Variants in VLDLR observed in about 807,000 individuals in gnomAD.
VLDLR encodes very low density lipoprotein receptor.
A neutral mutation model predicts 112.7 loss-of-function variants in VLDLR; 81 were observed. The ratio of observed to expected loss-of-function variants is 0.72; its 90% confidence interval spans 0.60 to 0.86. The LOEUF is 0.86. Ranked by LOEUF, VLDLR falls within the 40% of genes least tolerant of loss-of-function variation. VLDLR has a pLI of 0.00. For synonymous variants in VLDLR, 436 were observed against 384.8 expected, an observed-to-expected ratio of 1.13 and a Z score of -1.56; for missense variants, 1,237 against 1,099.4, an observed-to-expected ratio of 1.13 and a Z score of -1.77.
Position 2,643,334 on chromosome 9 carries a change from T to C in VLDLR, c.623T>C (p.Ile208Thr). Residue 208 changes from isoleucine to threonine, a missense_variant, in exon 5 of 19, where the codon ATC becomes ACC. Transcript: ENST00000382100. ...FQCSTSSCIP[I>T]SWVCDDDADC... The stretch of plus-strand genomic sequence containing the variant: ...TGCAGCACCTCCTCCTGCATCCCCA[T>C]CAGCTGGGTATGCGACGATGATGCA... 1 of 1,614,064 alleles carries C rather than the reference T, an allele frequency of 6.2e-7. No individual in the cohort carries two copies.
Position 2,658,438 on chromosome 9 carries a change from G to C in VLDLR, c.*4570G>C, listed in dbSNP as rs1044466532. 6.6e-6 allele frequency: 1 copy of C among 152,198 alleles called. No homozygotes were observed. The highest frequency in any genetic ancestry group is 2.4e-5 in the African/African-American group (1 of 41,432). 9.4% of individuals were successfully genotyped at this position (152,198 alleles called of 1,614,324 possible). On this transcript the variant is annotated 3_prime_UTR_variant, in exon 19 of 19. Transcript: ENST00000382100. Reference sequence around the variant, plus strand: ...CAGGAGTGAGACCAGCTGCGGGTGGGGAGTTTGTGCTCCGCAGGTTACCTC... The same window carrying C: ...CAGGAGTGAGACCAGCTGCGGGTGGCGAGTTTGTGCTCCGCAGGTTACCTC...
intron 1 of VLDLR, among the ~76,000 whole-genome samples, chr9:2,627,323 T>G (rs1664284746): frequency 6.6e-6 from 1 of 152,238 alleles, no homozygotes; most frequent in African/African-American, 2.4e-5. Context: ...TGTCTGCAGA[T>G]AATCCTACAA....
intron 15 of VLDLR, among the ~76,000 whole-genome samples, chr9:2,651,069 T>C (rs1413649344): frequency 6.6e-6 from 1 of 152,154 alleles, no homozygotes; most frequent in African/African-American, 2.4e-5. Flanking sequence ...ACCAAGAAAT[T>C]AGTTGCAAGA....
chr9:2,622,615 GC>G (rs2130749701), intron 1 of VLDLR, among the ~76,000 whole-genome samples: 1 of 152,334 alleles, frequency 6.6e-6, no homozygotes, highest in African/African-American at 2.4e-5. Context: ...CAATGGTTCT[GC>G]CTCCTCTGCC....
Position 2,644,738 on chromosome 9 carries a change from A to G in VLDLR, c.1071A>G (p.Ile357Met). Residue 357 changes from isoleucine (I) to methionine (M), a missense_variant, in exon 8 of 19, where the codon ATA becomes ATG. Ile to Met is a conservative substitution (Grantham distance 10, BLOSUM62 1). Coordinates refer to ENST00000382100, the MANE Select transcript of VLDLR (RefSeq NM_003383.5). ...ACTACTACATTTTTATTCCAGATAT[A>G]AACGAATGCTTGGTAAATAATGGTG... ...WSDEPLKECH[I>M]NECLVNNGGC... 6.2e-7 allele frequency: 1 copy of G among 1,614,164 alleles called. No individual in the cohort carries two copies.
rs1817387520 is a variant in VLDLR at position 2,632,348 on chromosome 9, A to G, written c.83-3105A>G. On this transcript the variant is annotated intron_variant, in intron 1 of 18. Coordinates refer to ENST00000382100, the MANE Select transcript of VLDLR (RefSeq NM_003383.5). ...TCATGGCTTTAAGGAACCCACTAAC[A>G]ATTGCATTTTGCCCCATCTTCTCAC... Among the ~76,000 whole-genome samples, 2 of 152,118 alleles carry G rather than the reference A, an allele frequency of 1.3e-5. 1 individual carries two copies. The highest frequency in any genetic ancestry group is 1.3e-4 in the Admixed American group (2 of 15,278).
intron 17 of VLDLR, among the ~76,000 whole-genome samples, chr9:2,652,165 G>GA (rs1818380354): frequency 1.3e-5 from 2 of 152,202 alleles, no homozygotes; most frequent in African/African-American, 4.8e-5. Context: ...AACTGGCAAT[G>GA]ATAAGTGTTC....
At chr9:2,625,228 A>G (rs932206341) in intron 1 of VLDLR, among the ~76,000 whole-genome samples, 1 of 152,196 alleles carries the variant, frequency 6.6e-6, no homozygotes, top group Non-Finnish European at 1.5e-5. Context: ...CTGCTCCAGG[A>G]GAGGTATCAA....
At chr9:2,641,173 G>A (rs775824484) in intron 3 of VLDLR, among the ~76,000 whole-genome samples, 9 of 152,182 alleles carry the variant, frequency 5.9e-5, no homozygotes, top group East Asian at 1.9e-4. Context: ...AAGCTGTCAC[G>A]TACACTGCCA....
At chr9:2,630,242 C>T (rs1817281530) in intron 1 of VLDLR, among the ~76,000 whole-genome samples, 1 of 152,100 alleles carries the variant, frequency 6.6e-6, no homozygotes, top group African/African-American at 2.4e-5. Context: ...TTTTTGCTGA[C>T]TCAGAAATTT....
intron 1 of VLDLR, among the ~76,000 whole-genome samples, chr9:2,633,045 AGAGAGAGT>A (rs60429004): frequency 0.22 from 25,219 of 112,624 alleles, 2,483 homozygotes; most frequent in Non-Finnish European, 0.27. Context: ...AGAGAGAGAG[AGAGAGAGT>A]GTGTGTGTGT....
chr9:2,656,790 G>A lies in VLDLR; in HGVS notation c.*2922G>A, dbSNP rs1030374120. The A allele has an allele frequency of 1.3e-5, 2 of 151,922 alleles. No homozygotes were observed. The highest frequency in any genetic ancestry group is 4.8e-5 in the African/African-American group (2 of 41,366). 9.4% of individuals were successfully genotyped at this position (151,922 alleles called of 1,614,324 possible). A position where few individuals can be genotyped will look rare whatever the true frequency, so the allele number is the denominator to read the frequency against. On this transcript the variant is annotated 3_prime_UTR_variant, in exon 19 of 19. Transcript: ENST00000382100. ...GCCTCTGGTAAAGAAATCCAGCCAA[G>A]TTCCTCTGTCCAAATTTTTAAGTGC...
At position 2,651,459 on chromosome 9, in the gene VLDLR, A is replaced by G. The variant is rs1818329797; in HGVS notation, c.2296A>G (p.Thr766Ala). The change falls in exon 16 of 19, where the codon ACA becomes GCA. Residue 766 changes from threonine to alanine, a missense_variant. Physicochemically the swap from Thr to Ala is moderately conservative, Grantham distance 58. Transcript: ENST00000382100. ...VTYSETKDTN[T>A]TEISATSGLV... ...TTACAGTGAGACAAAAGATACGAAC[A>G]CAACAGAAATTTCAGCAACTAGTGG... is the stretch of plus-strand genomic sequence containing the variant. The G allele has an allele frequency of 6.2e-7, 1 of 1,613,934 alleles. No individual in the cohort carries two copies. Among genetic ancestry groups the G allele is most frequent in the Non-Finnish European group, 8.5e-7 (1 of 1,179,976 alleles).
chr9:2,636,320 T>C (rs1817598675), intron 2 of VLDLR, among the ~76,000 whole-genome samples: 1 of 152,236 alleles, frequency 6.6e-6, no homozygotes, highest in South Asian at 2.1e-4. Context: ...AACAATATTC[T>C]ATGTGAATAT....
intron 2 of VLDLR, among the ~76,000 whole-genome samples, chr9:2,636,283 C>G (rs957812021): frequency 2.0e-5 from 3 of 152,166 alleles, no homozygotes; most frequent in Admixed American, 6.5e-5. Context: ...TCTACGATCC[C>G]TTTGTTCAGG....
intron 1 of VLDLR, among the ~76,000 whole-genome samples, chr9:2,633,051 A>AGTGTGTGTGTGTGTGTGTGT (rs71329439): frequency 1.7e-5 from 2 of 115,402 alleles, no homozygotes; most frequent in African/African-American, 6.7e-5. Context: ...AGAGAGAGAG[A>AGTGTGTGTGTGTGTGTGTGT]GTGTGTGTGT....
In VLDLR at chr9:2,641,538, C is replaced by A. The variant is rs762384802; in HGVS notation, c.448+39C>A. On this transcript the variant is annotated intron_variant, in intron 4 of 18. Coordinates refer to ENST00000382100, the MANE Select transcript of VLDLR (RefSeq NM_003383.5). ...TGTTGAGTGACGTAACCCAAAGACCCTTTTCCTAAAGGAAGGGTGGGCAGG... is the reference window on the plus strand; with the variant it reads ...TGTTGAGTGACGTAACCCAAAGACCATTTTCCTAAAGGAAGGGTGGGCAGG... The A allele has an allele frequency of 8.7e-6, 14 of 1,612,940 alleles. No individual in the cohort carries two copies. In the East Asian group the frequency reaches 3.1e-4, roughly 36 times the overall value.
chr9:2,647,628 C>CT (rs748758868), intron 12 of VLDLR, 36 bp downstream of exon 12: 5 of 1,534,662 alleles, frequency 3.3e-6, no homozygotes. Flanking sequence ...ACCCACTCAA[C>CT]TATCTTCATA....
intron 7 of VLDLR, 144 bp from the exon 8 acceptor site, chr9:2,644,590 C>G: frequency 9.8e-7 from 1 of 1,019,476 alleles, no homozygotes; most frequent in South Asian, 1.5e-5. Flanking sequence ...AAATATATAC[C>G]TATAAAATAA....
Sources: gnomAD v4.1 joint callset for allele counts (sites outside exome capture counted in the v4.1 genomes callset) on GRCh38, gnomAD v4.1.1 for gene constraint, MANE v1.5 for transcripts, NCBI Gene and HGNC (gene_info 2026-07-23, HGNC 2026-07-21) for gene names.